The following TANC2 variants were observed in gnomAD, a reference collection of about 807,000 sequenced individuals.
The protein encoded by TANC2 is tetratricopeptide repeat, ankyrin repeat and coiled-coil containing 2.
In TANC2, 26 loss-of-function variants were observed where a neutral mutation model predicts 210.5. That is an observed-to-expected ratio of 0.12 (90% CI 0.09 to 0.17). The LOEUF is 0.17. TANC2 is among the 10% of genes least tolerant of loss of function. TANC2 has a pLI of 1.00. For synonymous variants in TANC2, 931 were observed against 967.1 expected (o/e 0.96, Z 0.69); for missense variants, 2,129 against 2,608.9 (o/e 0.82, Z 4.01).
rs191741855 is a variant in TANC2 at position 63,406,990 on chromosome 17, C to A, written c.3589+713C>A. Among the ~76,000 whole-genome samples, 19 of 152,358 alleles carry A rather than the reference C, an allele frequency of 1.2e-4. 1 individual carries two copies. In the East Asian group the frequency reaches 3.7e-3, roughly 29 times the overall value. On this transcript the variant is annotated intron_variant, in intron 21 of 27. Coordinates refer to ENST00000689528, the Ensembl canonical transcript of TANC2. Reference sequence around the variant, plus strand: ...AGGCAGTCATTCCAGTTAGCCTCCACTATTAGTAAACTGGACGCAAATGTC... The same window carrying A: ...AGGCAGTCATTCCAGTTAGCCTCCAATATTAGTAAACTGGACGCAAATGTC...
intron 7 of TANC2, among the ~76,000 whole-genome samples, chr17:63,213,145 G>A (rs567794989): frequency 3.9e-5 from 6 of 152,172 alleles, no homozygotes; most frequent in Non-Finnish European, 8.8e-5. Context: ...CTTTACAAGT[G>A]TAATGTTTCA....
At chr17:63,235,833 T>G (rs529796252) in intron 7 of TANC2, among the ~76,000 whole-genome samples, 2 of 152,020 alleles carry the variant, frequency 1.3e-5, no homozygotes, top group Non-Finnish European at 2.9e-5. Flanking sequence ...GTTTTATAAT[T>G]ATTGCTAAAA....
chr17:63,203,299 G>A (rs2041595399), intron 7 of TANC2, among the ~76,000 whole-genome samples: 1 of 152,060 alleles, frequency 6.6e-6, no homozygotes, highest in African/African-American at 2.4e-5. Context: ...AATCTTACCT[G>A]AGCTAAGATG....
chr17:63,176,448 C>T (rs556595408), intron 5 of TANC2, among the ~76,000 whole-genome samples: 6 of 152,024 alleles, frequency 3.9e-5, no homozygotes, highest in Non-Finnish European at 8.8e-5. Flanking sequence ...TGTTTAATTC[C>T]TTATATAACC....
intron 2 of TANC2, among the ~76,000 whole-genome samples, chr17:63,029,628 C>T (rs1047216232): frequency 1.3e-5 from 2 of 152,100 alleles, no homozygotes; most frequent in Non-Finnish European, 2.9e-5. Flanking sequence ...GAACTTATGG[C>T]TGCCTCCAAT....
At chr17:63,388,613 A>G (rs1418307879) in intron 15 of TANC2, 22 bp from the exon 16 acceptor site, 3 of 1,586,492 alleles carry the variant, frequency 1.9e-6, no homozygotes, top group Admixed American at 1.8e-5. Context: ...TACTAATTTA[A>G]TTGTCTGTAT....
intron 5 of TANC2, among the ~76,000 whole-genome samples, chr17:63,192,744 T>C (rs970187389): frequency 9.9e-5 from 15 of 152,232 alleles, no homozygotes; most frequent in Non-Finnish European, 1.5e-5. Flanking sequence ...TCTAAAGTTA[T>C]GAAGGTTAAG....
In TANC2 at chr17:63,302,130, T is replaced by G. The variant is rs544457294; in HGVS notation, c.1160-12258T>G. On this transcript the variant is annotated intron_variant, in intron 9 of 27. Transcript: ENST00000689528. ...CCTGAGTTCTAATTTGATTGCACTG[T>G]GGTCTGAGAAACTGTTTTTTATTAT... 1.1e-3 allele frequency among the ~76,000 whole-genome samples: 160 copies of G among 152,272 alleles called. 1 individual carries two copies. Among genetic ancestry groups the G allele is most frequent in the African/African-American group, 3.7e-3 (154 of 41,582 alleles).
chr17:63,351,167 A>G (rs1382169768), intron 12 of TANC2, 83 bp from the exon 13 acceptor site: 8 of 1,268,652 alleles, frequency 6.3e-6, no homozygotes, highest in Non-Finnish European at 8.7e-6. Context: ...ATTTTGTTCC[A>G]AAGAAATATG....
chr17:63,173,823 A>C, intron 5 of TANC2, among the ~76,000 whole-genome samples: 1 of 152,220 alleles, frequency 6.6e-6, no homozygotes, highest in East Asian at 1.9e-4. Flanking sequence ...TTTTTTAATA[A>C]TAATCAGACT....
intron 4 of TANC2, among the ~76,000 whole-genome samples, chr17:63,119,072 A>G (rs1402842336): frequency 2.0e-5 from 3 of 151,832 alleles, no homozygotes; most frequent in Admixed American, 6.6e-5. Context: ...GTGAGCCACC[A>G]CACCCGGCCC....
At chr17:63,343,512 C>T (rs2046306207) in intron 12 of TANC2, among the ~76,000 whole-genome samples, 1 of 152,086 alleles carries the variant, frequency 6.6e-6, no homozygotes, top group Non-Finnish European at 1.5e-5. Flanking sequence ...TAATTAATGA[C>T]TATCTAGTTA....
chr17:63,225,089 C>T (rs959723450), intron 7 of TANC2, among the ~76,000 whole-genome samples: 7 of 152,184 alleles, frequency 4.6e-5, no homozygotes, highest in African/African-American at 1.7e-4. Context: ...GAATTGTTCT[C>T]ACCTTTTCTT....
intron 6 of TANC2, among the ~76,000 whole-genome samples, chr17:63,198,879 CAT>C (rs2041436649): frequency 6.6e-6 from 1 of 151,846 alleles, no homozygotes. Context: ...GGAGAGATAA[CAT>C]ATAGTAGAAG....
Position 63,421,205 on chromosome 17 carries a change from A to G in TANC2, c.5475A>G (p.Gln1825=). 1 of 1,614,028 alleles carries G rather than the reference A, an allele frequency of 6.2e-7. No individual in the cohort carries two copies. Residue 1825 remains glutamine (Q), a synonymous_variant, in exon 28 of 28, where the codon CAA becomes CAG. Coordinates refer to ENST00000689528, the Ensembl canonical transcript of TANC2. The surrounding 1 kb of genome is among the most constrained non-coding windows in gnomAD (Gnocchi z 6.9). ...TAGATCTGGAGCGCTCCTCCAGCCAACTAGGTTCCCCTGATGTGTCGCATT... is the reference window on the plus strand; with the variant it reads ...TAGATCTGGAGCGCTCCTCCAGCCAGCTAGGTTCCCCTGATGTGTCGCATT...
intron 3 of TANC2, among the ~76,000 whole-genome samples, chr17:63,084,489 A>G (rs1228844544): frequency 6.6e-6 from 1 of 151,258 alleles, no homozygotes; most frequent in Non-Finnish European, 1.5e-5. Flanking sequence ...TCCCATTTCC[A>G]ATTTCATTGA....
At chr17:63,110,314 C>T (rs78780440) in intron 4 of TANC2, among the ~76,000 whole-genome samples, 2 of 151,692 alleles carry the variant, frequency 1.3e-5, no homozygotes, top group East Asian at 3.9e-4. Flanking sequence ...TGTATTTTAA[C>T]TTGTCCTCAA....
intron 2 of TANC2, among the ~76,000 whole-genome samples, chr17:63,062,137 C>T (rs991191454): frequency 6.6e-6 from 1 of 151,828 alleles, no homozygotes; most frequent in Admixed American, 6.6e-5. Flanking sequence ...GCTTTTTATT[C>T]TCTTTCTTTC....
At chr17:63,143,299 G>A (rs1036084945) in intron 4 of TANC2, among the ~76,000 whole-genome samples, 5 of 152,132 alleles carry the variant, frequency 3.3e-5, no homozygotes, top group Non-Finnish European at 7.3e-5. Flanking sequence ...AAGTTATCAT[G>A]ATGCCTCTTT....
Sources: allele counts gnomAD v4.1 joint callset (sites outside exome capture counted in the v4.1 genomes callset), GRCh38; gene constraint gnomAD v4.1.1; non-coding constraint Gnocchi (gnomAD v3.1); transcripts MANE v1.5; gene names NCBI Gene and HGNC (gene_info 2026-07-23, HGNC 2026-07-21).